IL4I1: variants seen among roughly 807,000 people sequenced by gnomAD.
IL4I1 encodes L-amino-acid oxidase.
In IL4I1, 24 loss-of-function variants were observed where a neutral mutation model predicts 29.7. The ratio of observed to expected loss-of-function variants is 0.81; its 90% confidence interval spans 0.59 to 1.14. IL4I1 has a LOEUF of 1.14. Among genes scored for constraint, IL4I1 ranks in the 50% most tolerant of loss-of-function variants. IL4I1 has a pLI of 0.00. For synonymous variants in IL4I1, 371 were observed against 352.5 expected (o/e 1.05, Z -0.59); for missense variants, 686 against 785.6 (o/e 0.87, Z 1.52).
At chr19:49,897,016 T>C (rs957545391), upstream of IL4I1, 9 of 353,760 alleles carry the variant, frequency 2.5e-5, no homozygotes, top group East Asian at 1.3e-3. Context: ...CAGAGTCTAG[T>C]TGAGGTTGGA....
Position 49,890,050 on chromosome 19 carries a change from T to TA in IL4I1, c.1323_1324insT (p.Lys442Ter). On this transcript the variant is annotated frameshift_variant, in exon 8 of 8. Coordinates refer to ENST00000391826, the MANE Select transcript of IL4I1 (RefSeq NM_152899.2). LOFTEE classifies it low-confidence loss of function (END_TRUNC). ...CTGTGCTGGTCCTCCGCCCAACGCT[T>TA]GACGACGCCGGTGCCGTCCCAGAGC... 6.4e-7 allele frequency: 1 copy of TA among 1,550,644 alleles called. No individual in the cohort carries two copies. The highest frequency in any genetic ancestry group is 2.0e-5 in the Admixed American group (1 of 51,114).
intron 2 of IL4I1, chr19:49,908,412 C>T (rs534262181): frequency 2.2e-5 from 36 of 1,614,150 alleles, no homozygotes; most frequent in Admixed American, 5.0e-5. Context: ...TCACTGGTGT[C>T]GGCGGGGGCC....
chr19:49,908,553 C>T (rs755999151), intron 2 of IL4I1: 14 of 1,614,194 alleles, frequency 8.7e-6, no homozygotes, highest in East Asian at 2.2e-5. Flanking sequence ...TAGATGGTCC[C>T]GCTCTGCTCC....
intron 2 of IL4I1, among the ~76,000 whole-genome samples, chr19:49,914,699 G>T (rs1315684519): frequency 8.4e-6 from 1 of 118,604 alleles, no homozygotes; most frequent in African/African-American, 3.2e-5. Context: ...ACCTCCATCT[G>T]TGATTCTTGT....
At chr19:49,915,404 A>G (rs2075598300) in intron 2 of IL4I1, among the ~76,000 whole-genome samples, 1 of 152,212 alleles carries the variant, frequency 6.6e-6, no homozygotes, top group African/African-American at 2.4e-5. Context: ...TGAGGGGGCC[A>G]CAAGCCAAGG....
rs1189278422 is a variant in IL4I1 at position 49,926,906 on chromosome 19, A to C, written c.-228+788T>G. ...GGTCTCACTCTGTCACCCAGGCTGC[A>C]GTGTGGTGGCACAATCTCGGCTTAC... is the stretch of plus-strand genomic sequence containing the variant. On this transcript the variant is annotated intron_variant, in intron 2 of 9. Transcript: ENST00000341114. 3.4e-5 allele frequency among the ~76,000 whole-genome samples: 5 copies of C among 147,628 alleles called. No individual in the cohort carries two copies. In the East Asian group the frequency reaches 8.0e-4, roughly 24 times the overall value.
intron 3 of IL4I1, chr19:49,901,911 G>A: frequency 2.4e-6 from 1 of 417,444 alleles, no homozygotes; most frequent in South Asian, 5.4e-5. Flanking sequence ...GATAAACCCA[G>A]GTGAATTCAT....
At chr19:49,909,887 A>G in intron 2 of IL4I1, 1 of 1,465,784 alleles carries the variant, frequency 6.8e-7, no homozygotes, top group Non-Finnish European at 9.5e-7. Flanking sequence ...GAAGATTTCT[A>G]AAGCAGAGGA....
At chr19:49,894,987 G>C (rs1439731044) in intron 4 of IL4I1, 81 bp downstream of exon 4, 2 of 1,059,402 alleles carry the variant, frequency 1.9e-6, no homozygotes, top group Admixed American at 2.0e-5. Context: ...CAGAGTGGAA[G>C]TTCGGGCCCA....
chr19:49,903,995 C>T (rs539579212), intron 3 of IL4I1, among the ~76,000 whole-genome samples: 12 of 150,204 alleles, frequency 8.0e-5, no homozygotes, highest in Admixed American at 3.3e-4. Context: ...GGAGCCACTA[C>T]GCCAGGCTAA....
rs1273371305 is a variant in IL4I1, at chr19:49,896,112, C to G, written c.13+36G>C. The G allele has an allele frequency of 3.9e-6, 6 of 1,556,550 alleles. No individual in the cohort carries two copies. In the Admixed American group the frequency reaches 9.8e-5, roughly 25 times the overall value. ...GGCAGGTCGGGGGAGAGGGGTTCTA[C>G]TCACTTGTTCCAGAGCCCCTCCCCT... On this transcript the variant is annotated intron_variant, in intron 2 of 7. Transcript: ENST00000391826.
chr19:49,896,446 C>CT (rs111916822), intron 1 of IL4I1, among the ~76,000 whole-genome samples: 9,595 of 148,944 alleles, frequency 0.064, 537 homozygotes, highest in African/African-American at 0.14. Context: ...TCCTTTCTTT[C>CT]TTTTTTTTTT....
intron 3 of IL4I1, among the ~76,000 whole-genome samples, chr19:49,903,258 C>A (rs779438403): frequency 1.3e-5 from 2 of 152,204 alleles, no homozygotes; most frequent in Non-Finnish European, 2.9e-5. Flanking sequence ...TCTGAGGTGA[C>A]CCCAGGGCAC....
intron 2 of IL4I1, among the ~76,000 whole-genome samples, chr19:49,914,323 C>T (rs2075563072): frequency 6.6e-6 from 1 of 152,102 alleles, no homozygotes; most frequent in South Asian, 2.1e-4. Flanking sequence ...GGAACCCAAA[C>T]TGAGGGAGTG....
intron 2 of IL4I1, among the ~76,000 whole-genome samples, chr19:49,904,903 G>C (rs189094185): frequency 1.1e-4 from 17 of 152,232 alleles, no homozygotes; most frequent in South Asian, 6.2e-4. Context: ...GTAGAGACAG[G>C]GTTTCACCGT....
At chr19:49,913,828 T>C (rs1009842769) in intron 2 of IL4I1, among the ~76,000 whole-genome samples, 3 of 152,084 alleles carry the variant, frequency 2.0e-5, no homozygotes, top group Admixed American at 6.6e-5. Flanking sequence ...GGCAGACCCA[T>C]ACATACCATG....
chr19:49,926,367 TAAAAATACA>T (rs2075889528), intron 2 of IL4I1, among the ~76,000 whole-genome samples: 1 of 151,938 alleles, frequency 6.6e-6, no homozygotes, highest in South Asian at 2.1e-4. Context: ...CCGTCTCTAC[TAAAAATACA>T]AAAATTAGCC....
rs73932009 is a variant in IL4I1, at chr19:49,920,730, G to A, written c.-228+6964C>T. 7.1e-3 allele frequency among the ~76,000 whole-genome samples: 1,087 copies of A among 152,342 alleles called. 5 individuals are homozygous for A. The highest frequency in any genetic ancestry group is 0.02 in the African/African-American group (839 of 41,574). ...AGAACAGGCTGGGGAAGAGCCTAGA[G>A]CTGAAACGCTCTGGTTGGCGGTGCA... On this transcript the variant is annotated intron_variant, in intron 2 of 9. Transcript: ENST00000341114.
intron 2 of IL4I1, among the ~76,000 whole-genome samples, chr19:49,905,994 TG>T (rs1267936712): frequency 5.9e-5 from 9 of 152,086 alleles, no homozygotes; most frequent in Admixed American, 3.3e-4. Flanking sequence ...CAGACTGAGA[TG>T]GAACAGGCAG....
Sources: allele counts gnomAD v4.1 joint callset (sites outside exome capture counted in the v4.1 genomes callset), GRCh38; gene constraint gnomAD v4.1.1; transcripts MANE v1.5; gene names NCBI Gene and HGNC (gene_info 2026-07-23, HGNC 2026-07-21).